Variants in PLD5 observed in about 807,000 individuals in gnomAD.
PLD5 encodes the protein phospholipase D family member 5.
In PLD5, 36 loss-of-function variants were observed where a neutral mutation model predicts 61.1. The observed-to-expected ratio is 0.59, with a 90% CI of 0.45 to 0.78. The LOEUF is 0.78. Among genes scored for constraint, PLD5 ranks in the 30% least tolerant of loss-of-function variants. The pLI is 0.00. For missense variants in PLD5, 515 were observed against 644.4 expected (o/e 0.80, Z 2.17); for synonymous variants, 243 against 242.8 (o/e 1.00, Z -0.01).
chr1:242,408,567 G>A (rs1195589623), intron 1 of PLD5, among the ~76,000 whole-genome samples: 1 of 152,154 alleles, frequency 6.6e-6, no homozygotes, highest in East Asian at 1.9e-4. Context: ...CTCTTGCCAT[G>A]TGACACACCT....
intron 1 of PLD5, among the ~76,000 whole-genome samples, chr1:242,363,033 G>A (rs1234603764): frequency 6.6e-6 from 1 of 152,128 alleles, no homozygotes; most frequent in Non-Finnish European, 1.5e-5. Context: ...AGAGTTGGCA[G>A]GGCAGAAAAC....
At chr1:242,308,010 TA>T (rs1173246845) in intron 2 of PLD5, among the ~76,000 whole-genome samples, 2 of 152,210 alleles carry the variant, frequency 1.3e-5, no homozygotes, top group Admixed American at 1.3e-4. Flanking sequence ...TAACAGTTAC[TA>T]GGTATTATAG....
At chr1:242,144,257 T>TA (rs893475242) in intron 5 of PLD5, among the ~76,000 whole-genome samples, 94 of 91,010 alleles carry the variant, frequency 1.0e-3, no homozygotes, top group African/African-American at 5.1e-3. Context: ...AATTTTATTT[T>TA]TTTTTTAAAA....
intron 5 of PLD5, among the ~76,000 whole-genome samples, chr1:242,193,827 C>A (rs906688785): frequency 4.6e-5 from 7 of 152,120 alleles, no homozygotes; most frequent in African/African-American, 1.7e-4. Flanking sequence ...ATGGGAGGAT[C>A]AGATAAATTA....
rs1461403718 is a variant in PLD5 at position 242,089,548 on chromosome 1, G to C, written c.*306C>G. The C allele has an allele frequency of 7.7e-6, 4 of 516,638 alleles. No homozygotes were observed. Among genetic ancestry groups the C allele is most frequent in the Non-Finnish European group, 1.3e-5 (4 of 297,122 alleles). The allele number at this position is 516,638 out of a possible 1,614,324, so 32.0% of individuals were successfully genotyped here. ...TCCTAACAACTGACCGGGTAGGTCA[G>C]CAGAAAAAGTTCTAAAACTAGAAAG... On this transcript the variant is annotated 3_prime_UTR_variant, in exon 10 of 10. Transcript: ENST00000536534.
At chr1:242,465,053 A>AAATG (rs1667233078) in intron 1 of PLD5, among the ~76,000 whole-genome samples, 1 of 152,180 alleles carries the variant, frequency 6.6e-6, no homozygotes. Flanking sequence ...GGGGTGACAA[A>AAATG]AATGTTTTAG....
intron 1 of PLD5, among the ~76,000 whole-genome samples, chr1:242,376,085 C>A (rs936682624): frequency 6.6e-6 from 1 of 152,210 alleles, no homozygotes; most frequent in African/African-American, 2.4e-5. Flanking sequence ...GGTCTAACTA[C>A]GTATTTGCAA....
intron 1 of PLD5, among the ~76,000 whole-genome samples, chr1:242,517,957 G>A (rs2103009036): frequency 6.6e-6 from 1 of 152,126 alleles, no homozygotes; most frequent in Middle Eastern, 3.4e-3. Flanking sequence ...TGCTGGATCA[G>A]ACCTAACAAC....
intron 2 of PLD5, among the ~76,000 whole-genome samples, chr1:242,315,363 A>C (rs1490993610): frequency 6.6e-6 from 1 of 151,742 alleles, no homozygotes; most frequent in Non-Finnish European, 1.5e-5. Flanking sequence ...TATGCAAGAA[A>C]TTATAAATTT....
intron 2 of PLD5, among the ~76,000 whole-genome samples, chr1:242,338,288 C>T (rs1440586353): frequency 1.3e-5 from 2 of 152,138 alleles, no homozygotes; most frequent in African/African-American, 4.8e-5. Context: ...TTCCTATTGC[C>T]TCAGGTTCAG....
At position 242,089,811 on chromosome 1, in the gene PLD5, T is replaced by C. The variant is rs779330416; in HGVS notation, c.*43A>G. On this transcript the variant is annotated 3_prime_UTR_variant, in exon 10 of 10. Coordinates refer to ENST00000536534, the MANE Select transcript of PLD5 (RefSeq NM_001372062.1). ...TTTCTCTCCTCAAGTCCTTTATGTA[T>C]AAATATGAAATACAGAGCTGTCCTG... is the stretch of plus-strand genomic sequence containing the variant. The C allele has an allele frequency of 1.9e-6, 3 of 1,607,764 alleles. No individual in the cohort carries two copies. Among genetic ancestry groups the C allele is most frequent in the South Asian group, 1.1e-5 (1 of 90,782 alleles).
At chr1:242,470,287 A>T (rs913710109) in intron 1 of PLD5, among the ~76,000 whole-genome samples, 1 of 151,738 alleles carries the variant, frequency 6.6e-6, no homozygotes, top group Non-Finnish European at 1.5e-5. Context: ...GCTTGCAGTG[A>T]GCCGAGATCG....
At chr1:242,471,607 G>A (rs970352880) in intron 1 of PLD5, among the ~76,000 whole-genome samples, 1 of 151,804 alleles carries the variant, frequency 6.6e-6, no homozygotes, top group Non-Finnish European at 1.5e-5. Context: ...GAGATTTTAT[G>A]AGAAAAGAGA....
intron 5 of PLD5, among the ~76,000 whole-genome samples, chr1:242,140,412 G>A (rs1664073419): frequency 6.6e-6 from 1 of 151,508 alleles, no homozygotes. Flanking sequence ...GGGAGGCTGA[G>A]GCAGGTGGAT....
intron 2 of PLD5, among the ~76,000 whole-genome samples, chr1:242,315,356 G>A (rs892780316): frequency 7.9e-5 from 12 of 152,164 alleles, no homozygotes; most frequent in African/African-American, 2.4e-4. Context: ...GCCTAAATAT[G>A]CAAGAAATTA....
intron 4 of PLD5, among the ~76,000 whole-genome samples, chr1:242,233,292 A>G (rs1468510336): frequency 6.6e-6 from 1 of 152,166 alleles, no homozygotes; most frequent in African/African-American, 2.4e-5. Context: ...ACTGAGTCTC[A>G]GGGGAAGGGA....
intron 1 of PLD5, chr1:242,376,848 T>C (rs1278155879): frequency 6.1e-6 from 9 of 1,468,106 alleles, no homozygotes; most frequent in Non-Finnish European, 7.3e-6. Context: ...ATTATCCCAC[T>C]GCAAACTTTT....
chr1:242,157,186 A>G (rs1029003711), intron 5 of PLD5, among the ~76,000 whole-genome samples: 4 of 150,248 alleles, frequency 2.7e-5, no homozygotes, highest in African/African-American at 7.6e-5. Context: ...TTCTCGTGCT[A>G]TGTTTTTCAG....
chr1:242,454,609 A>G (rs934639465), intron 1 of PLD5, among the ~76,000 whole-genome samples: 1 of 152,012 alleles, frequency 6.6e-6, no homozygotes, highest in African/African-American at 2.4e-5. Context: ...AAATGTTTAC[A>G]TTAATTTCTA....
Sources: gnomAD v4.1 joint callset for allele counts (sites outside exome capture counted in the v4.1 genomes callset) on GRCh38, gnomAD v4.1.1 for gene constraint, MANE v1.5 for transcripts, NCBI Gene and HGNC (gene_info 2026-07-23, HGNC 2026-07-21) for gene names.